ZFHX3: variants seen among roughly 807,000 people sequenced by gnomAD.
ZFHX3 encodes the protein zinc finger homeobox 3, also known as zinc finger homeobox protein 3.
ZFHX3 carries 42 observed loss-of-function variants against 279.1 expected under a neutral mutation model. The ratio of observed to expected loss-of-function variants is 0.15; its 90% CI spans 0.12 to 0.19. The LOEUF is 0.19. ZFHX3 is among the 10% of genes least tolerant of loss of function. The pLI is 1.00. For synonymous variants in ZFHX3, 2,293 were observed against 1,957.8 expected, an observed-to-expected ratio of 1.17 and a Z score of -4.52; for missense variants, 4,981 against 4,754.0, an observed-to-expected ratio of 1.05 and a Z score of -1.40.
chr16:72,906,812 C>CT (rs1567576351), intron 3 of ZFHX3, among the ~76,000 whole-genome samples: 1 of 152,014 alleles, frequency 6.6e-6, no homozygotes, highest in African/African-American at 2.4e-5. Context: ...CCTTCCCCCC[C>CT]TCAAAAAACT....
rs549236872 is a variant in ZFHX3, at chr16:73,394,303, A to AT, written c.-1291+61699dup. On this transcript the variant is annotated intron_variant, in intron 3 of 17. Coordinates refer to the ZFHX3 transcript ENST00000641206. Reference sequence around the variant, plus strand: ...ATACATATTTGATATATATATACATATTTTTCTTTTTGAGACAGAGTCTTG... The same window carrying AT: ...ATACATATTTGATATATATATACATATTTTTTCTTTTTGAGACAGAGTCTTG... 1.6e-4 allele frequency among the ~76,000 whole-genome samples: 24 copies of AT among 148,044 alleles called. No individual in the cohort carries two copies. In the South Asian group the frequency reaches 1.7e-3, roughly 11 times the overall value.
intron 3 of ZFHX3, among the ~76,000 whole-genome samples, chr16:73,409,326 T>C (rs2017422404): frequency 6.6e-6 from 1 of 152,152 alleles, no homozygotes; most frequent in Admixed American, 6.5e-5. Flanking sequence ...CAAGAAAATA[T>C]GGTTTCATTT....
chr16:73,610,728 G>A (rs566541509), intron 2 of ZFHX3, among the ~76,000 whole-genome samples: 14 of 152,254 alleles, frequency 9.2e-5, no homozygotes, highest in African/African-American at 2.6e-4. Flanking sequence ...GATCAGGCTG[G>A]GATAGAAAGG....
At chr16:73,698,415 G>A (rs1188528479) in intron 1 of ZFHX3, among the ~76,000 whole-genome samples, 6 of 152,092 alleles carry the variant, frequency 3.9e-5, no homozygotes, top group African/African-American at 7.2e-5. Flanking sequence ...ATATCGGTGG[G>A]TGAACATTTG....
chr16:72,937,374 G>A (rs1396565687), intron 3 of ZFHX3, among the ~76,000 whole-genome samples: 1 of 152,172 alleles, frequency 6.6e-6, no homozygotes, highest in African/African-American at 2.4e-5. Context: ...ATAGACAAAG[G>A]GCAAGAGTGG....
intron 3 of ZFHX3, among the ~76,000 whole-genome samples, chr16:72,938,528 G>A (rs1484249108): frequency 6.6e-6 from 1 of 152,222 alleles, no homozygotes; most frequent in African/African-American, 2.4e-5. Flanking sequence ...GAAGGGAGAG[G>A]GAGTTTCTGG....
intron 1 of ZFHX3, among the ~76,000 whole-genome samples, chr16:73,813,382 G>A (rs75305248): frequency 0.031 from 4,668 of 151,940 alleles, 104 homozygotes; most frequent in East Asian, 0.065. Flanking sequence ...AGGACTGGGG[G>A]CCTCTCTCAA....
Position 72,957,753 on chromosome 16 carries a change from G to C in ZFHX3, c.2393C>G (p.Pro798Arg), listed in dbSNP as rs1961324513. 1 of 1,614,034 alleles carries C rather than the reference G, an allele frequency of 6.2e-7. No homozygotes were observed. Residue 798 changes from proline (P) to arginine (R), a missense_variant, in exon 2 of 10, where the codon CCA becomes CGA. Pro to Arg is a moderately radical substitution (Grantham distance 103). Transcript: ENST00000268489. ...GCACCGCCAGGTGGGTTTGGTTTTT[G>C]GTTTGGTCGGCGAGGGGGCCCCGCA... is the stretch of plus-strand genomic sequence containing the variant. ...SSCGAPSPTK[P>R]KTKPTWRCEV...
chr16:73,353,164 G>T (rs996257790), intron 3 of ZFHX3, among the ~76,000 whole-genome samples: 4 of 152,222 alleles, frequency 2.6e-5, no homozygotes, highest in Admixed American at 2.6e-4. Context: ...CCTGCTGGGA[G>T]GCTCTGCTCA....
intron 2 of ZFHX3, among the ~76,000 whole-genome samples, chr16:73,574,175 T>C (rs188544513): frequency 3.3e-5 from 5 of 152,202 alleles, no homozygotes; most frequent in Admixed American, 6.5e-5. Context: ...ATTTCATATG[T>C]TGATGCAAAA....
chr16:73,663,174 T>C (rs11863700), intron 2 of ZFHX3, among the ~76,000 whole-genome samples: 32,480 of 152,194 alleles, frequency 0.21, 3,550 homozygotes, highest in South Asian at 0.24. Flanking sequence ...CTGTTTGCAT[T>C]TCATACCTTC....
intron 2 of ZFHX3, among the ~76,000 whole-genome samples, chr16:73,543,559 G>A (rs1389126325): frequency 6.6e-6 from 1 of 152,134 alleles, no homozygotes; most frequent in African/African-American, 2.4e-5. Flanking sequence ...GGGAGCAGCT[G>A]GGAATCCATA....
At chr16:73,868,797 C>A (rs752116123) in intron 1 of ZFHX3, among the ~76,000 whole-genome samples, 3 of 151,824 alleles carry the variant, frequency 2.0e-5, no homozygotes, top group Non-Finnish European at 2.9e-5. Flanking sequence ...TTTTAATGAG[C>A]AGCTTTTCCT....
At chr16:72,890,051 G>GA in intron 3 of ZFHX3, 89 bp from the exon 4 acceptor site, 2 of 1,209,242 alleles carry the variant, frequency 1.7e-6, no homozygotes, top group Non-Finnish European at 2.3e-6. Flanking sequence ...GTCACAGCCA[G>GA]AGGCATGCCT....
intron 2 of ZFHX3, among the ~76,000 whole-genome samples, chr16:73,593,853 T>C (rs1487461879): frequency 6.6e-6 from 1 of 152,238 alleles, no homozygotes; most frequent in Non-Finnish European, 1.5e-5. Context: ...AATCTATTTA[T>C]TCAACATAAA....
chr16:73,601,401 T>C (rs7188681), intron 2 of ZFHX3, among the ~76,000 whole-genome samples: 120,232 of 148,670 alleles, frequency 0.81, 49,196 homozygotes, highest in East Asian at 0.99. Flanking sequence ...ACCTGGGAGG[T>C]GGAGGTTGCA....
chr16:73,680,535 T>G (rs1411268183), intron 1 of ZFHX3, among the ~76,000 whole-genome samples: 4 of 152,174 alleles, frequency 2.6e-5, no homozygotes, highest in Admixed American at 2.0e-4. Context: ...CATTAACCAA[T>G]ACATTTTTAA....
chr16:73,018,322 C>A (rs919716882), intron 1 of ZFHX3, among the ~76,000 whole-genome samples: 9 of 151,366 alleles, frequency 5.9e-5, no homozygotes, highest in Admixed American at 2.0e-4. Context: ...TAAATTAACT[C>A]TAAGGCCGGG....
intron 1 of ZFHX3, among the ~76,000 whole-genome samples, chr16:73,779,365 G>C (rs1959373107): frequency 6.6e-6 from 1 of 152,076 alleles, no homozygotes; most frequent in African/African-American, 2.4e-5. Context: ...GAATTCATCT[G>C]AGAAAAAGAC....
Sources: gnomAD v4.1 joint callset for allele counts (sites outside exome capture counted in the v4.1 genomes callset) on GRCh38, gnomAD v4.1.1 for gene constraint, MANE v1.5 for transcripts, NCBI Gene and HGNC (gene_info 2026-07-23, HGNC 2026-07-21) for gene names.